MTFR2: variants seen among roughly 807,000 people sequenced by gnomAD.
MTFR2 encodes the protein mitochondrial fission regulator 2, also known as DUF729 domain-containing protein 1.
MTFR2 carries 44 observed loss-of-function variants against 41.2 expected under a neutral mutation model. The observed-to-expected ratio is 1.07, with a 90% CI of 0.84 to 1.37. MTFR2 has a LOEUF of 1.37. MTFR2 is among the 40% of genes most tolerant of loss of function. The pLI, the probability that MTFR2 is intolerant of heterozygous loss-of-function variation, is 0.00. For synonymous variants in MTFR2, 141 were observed against 154.6 expected (o/e 0.91, Z 0.65); for missense variants, 452 against 459.5 (o/e 0.98, Z 0.15).
At chr6:136,248,400 C>T (rs1463395733) in intron 2 of MTFR2, among the ~76,000 whole-genome samples, 1 of 152,178 alleles carries the variant, frequency 6.6e-6, no homozygotes, top group Non-Finnish European at 1.5e-5. Context: ...GGCAGCTTCT[C>T]CCATACTATG....
rs150504747 is a variant in MTFR2 at position 136,247,278 on chromosome 6, G to A, written c.63+1759C>T. On this transcript the variant is annotated intron_variant, in intron 2 of 7. Coordinates refer to ENST00000420702, the MANE Select transcript of MTFR2 (RefSeq NM_001099286.3). ...GGGCAGGAGAATCACTTGAACCTCG[G>A]AGCAGAGGTTGCAGTGAGCCAAGAT... Among the ~76,000 whole-genome samples the A allele has an allele frequency of 4.5e-3, 682 of 152,122 alleles. 2 individuals carry two copies. The highest frequency in any genetic ancestry group is 0.015 in the African/African-American group (612 of 41,494).
chr6:136,242,791 C>T, intron 4 of MTFR2, 70 bp downstream of exon 4: 1 of 1,213,566 alleles, frequency 8.2e-7, no homozygotes, highest in African/African-American at 1.5e-5. Context: ...CTCAATCAAT[C>T]TTAACAAGCT....
At chr6:136,233,236 T>C (rs1380185239) in intron 7 of MTFR2, 89 bp downstream of exon 7, 2 of 1,149,640 alleles carry the variant, frequency 1.7e-6, no homozygotes, top group Non-Finnish European at 2.5e-6. Flanking sequence ...TCTGCACAAT[T>C]ACTTCAAGAG....
chr6:136,237,025 C>T (rs1056974178), intron 6 of MTFR2, among the ~76,000 whole-genome samples: 2 of 152,160 alleles, frequency 1.3e-5, no homozygotes, highest in African/African-American at 4.8e-5. Flanking sequence ...GAACACAGGG[C>T]GTGTGCTAAA....
chr6:136,235,673 C>T (rs1022280592), intron 6 of MTFR2, among the ~76,000 whole-genome samples: 1 of 152,172 alleles, frequency 6.6e-6, no homozygotes, highest in Admixed American at 6.5e-5. Flanking sequence ...GTGGCTCATG[C>T]CTGTAATCCC....
chr6:136,244,201 G>C (rs576272346), intron 3 of MTFR2, among the ~76,000 whole-genome samples: 43 of 152,304 alleles, frequency 2.8e-4, no homozygotes, highest in African/African-American at 9.9e-4. Flanking sequence ...CTACAGTAGT[G>C]TACAGTAATG....
rs116083206 is a variant in MTFR2, at chr6:136,235,301, A to G, written c.870-1802T>C. 3.1e-3 allele frequency among the ~76,000 whole-genome samples: 364 copies of G among 118,400 alleles called. 1 individual carries two copies. The African/African-American group carries it at 0.032, about 10-fold the overall frequency. 77.7% of individuals were successfully genotyped at this position (118,400 alleles called of 152,430 possible). ...GCGGAAAAGAACAGGTAGGAAGGAA[A>G]AGTCCTGTTTTGGACCTGTGAAACG... On this transcript the variant is annotated intron_variant, in intron 6 of 7. Transcript: ENST00000420702.
Position 136,239,000 on chromosome 6 carries a change from C to T in MTFR2, c.869+466G>A, listed in dbSNP as rs542028975. ...GGAGGATCACTTGAGCCCAGGAGGT[C>T]GAGGCTGCAGTGAGCTGTAATTTCA... On this transcript the variant is annotated intron_variant, in intron 6 of 7. Transcript: ENST00000420702. 2.6e-5 allele frequency among the ~76,000 whole-genome samples: 4 copies of T among 152,194 alleles called. No individual in the cohort carries two copies. The South Asian group carries it at 8.3e-4, about 32-fold the overall frequency.
chr6:136,247,000 C>T lies in MTFR2; in HGVS notation c.63+2037G>A, dbSNP rs76366519. Among the ~76,000 whole-genome samples the T allele has an allele frequency of 4.4e-3, 666 of 152,224 alleles. 9 individuals are homozygous for T. Among genetic ancestry groups the T allele is most frequent in the African/African-American group, 0.015 (631 of 41,516 alleles). Reference sequence around the variant, plus strand: ...TTGTCTCTGCTCTTACTGAGAAAACCGAGAACTTCAACTTGACATACCTCA... The same window carrying T: ...TTGTCTCTGCTCTTACTGAGAAAACTGAGAACTTCAACTTGACATACCTCA... On this transcript the variant is annotated intron_variant, in intron 2 of 7. Coordinates refer to ENST00000420702, the MANE Select transcript of MTFR2 (RefSeq NM_001099286.3).
At chr6:136,241,061 A>C (rs979603872) in intron 5 of MTFR2, among the ~76,000 whole-genome samples, 3 of 151,314 alleles carry the variant, frequency 2.0e-5, no homozygotes, top group Non-Finnish European at 4.4e-5. Flanking sequence ...ACTGCACTCC[A>C]GCCTGGGCGA....
chr6:136,247,646 AAAG>A (rs1244485918), intron 2 of MTFR2: 1 of 428,822 alleles, frequency 2.3e-6, no homozygotes, highest in African/African-American at 2.1e-5. Context: ...AAACTTTTCA[AAAG>A]AAGGTTGCTG....
chr6:136,231,669 T>TAAAAAAAAAAAAAAAA (rs71006791), intron 7 of MTFR2, among the ~76,000 whole-genome samples: 87 of 82,896 alleles, frequency 1.0e-3, no homozygotes, highest in African/African-American at 3.5e-3. Flanking sequence ...AAAAACTATG[T>TAAAAAAAAAAAAAAAA]AAAAAAAAAA....
chr6:136,241,802 G>A, intron 4 of MTFR2, 126 bp from the exon 5 acceptor site: 1 of 741,828 alleles, frequency 1.3e-6, no homozygotes, highest in Non-Finnish European at 2.1e-6. Context: ...TCTCAGGCCG[G>A]GCACAGTGGC....
chr6:136,240,989 G>A (rs979613606), intron 5 of MTFR2, among the ~76,000 whole-genome samples: 7 of 152,124 alleles, frequency 4.6e-5, no homozygotes, highest in East Asian at 1.9e-4. Context: ...TACTCGAGAG[G>A]CTGAGGCAGG....
In MTFR2 at chr6:136,241,624, G is replaced by T; in HGVS notation, c.334C>A (p.Arg112=). Residue 112 remains arginine (R), a synonymous_variant, in exon 5 of 8, where the codon CGA becomes AGA. Transcript: ENST00000420702. The part of the protein sequence containing the change: ...EEKVEIFHPL[R]LVRDPLSPAV... ...GGTGACAGTGGATCCCGAACTAGTC[G>T]CAAAGGATGAAAAATTTCCACTTTC... 6.2e-7 allele frequency: 1 copy of T among 1,613,424 alleles called. No individual in the cohort carries two copies. The highest frequency in any genetic ancestry group is 8.5e-7 in the Non-Finnish European group (1 of 1,179,900).
chr6:136,236,787 C>T (rs1024808849), intron 6 of MTFR2, among the ~76,000 whole-genome samples: 1 of 152,188 alleles, frequency 6.6e-6, no homozygotes, highest in African/African-American at 2.4e-5. Context: ...GACTATCATA[C>T]AGAAAATATA....
chr6:136,243,758 G>T (rs953149052), intron 3 of MTFR2, among the ~76,000 whole-genome samples: 9 of 151,832 alleles, frequency 5.9e-5, no homozygotes, highest in African/African-American at 2.2e-4. Flanking sequence ...CCTCAGGAAG[G>T]TCCTTCAGGA....
Position 136,241,491 on chromosome 6 carries a change from A to G in MTFR2, c.467T>C (p.Ile156Thr), listed in dbSNP as rs763441030. 6.2e-7 allele frequency: 1 copy of G among 1,614,126 alleles called. No individual in the cohort carries two copies. Among genetic ancestry groups the G allele is most frequent in the East Asian group, 2.2e-5 (1 of 44,870 alleles). ...TTCCTGCATTTCCACAATTGCTGCAATCTGAGAGCGAAGAAAAGTCAGCTC... is the reference window on the plus strand; with the variant it reads ...TTCCTGCATTTCCACAATTGCTGCAGTCTGAGAGCGAAGAAAAGTCAGCTC... ...ENELTFLRSQ[I>T]AAIVEMQELK... Residue 156 changes from isoleucine (I) to threonine (T), a missense_variant, in exon 5 of 8, where the codon ATT becomes ACT. Transcript: ENST00000420702.
intron 2 of MTFR2, chr6:136,248,635 C>G (rs1780282356): frequency 5.5e-6 from 1 of 182,382 alleles, no homozygotes; most frequent in Non-Finnish European, 1.1e-5. Flanking sequence ...AGCATGAGAA[C>G]AGACTAATAC....
Sources: allele counts gnomAD v4.1 joint callset (sites outside exome capture counted in the v4.1 genomes callset), GRCh38; gene constraint gnomAD v4.1.1; transcripts MANE v1.5; gene names NCBI Gene and HGNC (gene_info 2026-07-23, HGNC 2026-07-21).